The following LRBA variants were observed in gnomAD, a reference collection of about 807,000 sequenced individuals.
The protein encoded by LRBA is lipopolysaccharide-responsive and beige-like anchor protein.
In LRBA, 176 loss-of-function variants were observed where a neutral mutation model predicts 330.0. The ratio of observed to expected loss-of-function variants is 0.53; its 90% CI spans 0.47 to 0.60. LRBA has a LOEUF of 0.60. Among genes scored for constraint, LRBA ranks in the 20% least tolerant of loss-of-function variants. The probability of loss-of-function intolerance (pLI) is 0.00; values close to 1 mark genes in which losing one functional copy is unlikely to be tolerated. For synonymous variants in LRBA, 1,230 were observed against 1,193.0 expected (o/e 1.03, Z -0.64); for missense variants, 3,259 against 3,444.8 (o/e 0.95, Z 1.35).
chr4:150,887,800 A>G (rs1729106808), intron 17 of LRBA, among the ~76,000 whole-genome samples: 1 of 151,154 alleles, frequency 6.6e-6, no homozygotes, highest in South Asian at 2.1e-4. Context: ...AGAAAAAAAA[A>G]AGAACCTACA....
intron 34 of LRBA, among the ~76,000 whole-genome samples, chr4:150,775,748 G>A (rs574320171): frequency 7.1e-6 from 1 of 141,686 alleles, no homozygotes; most frequent in Non-Finnish European, 1.5e-5. Context: ...TGTGGTGAGT[G>A]CACAGAAATA....
chr4:150,791,591 TGTA>T (rs1232825105), intron 34 of LRBA, among the ~76,000 whole-genome samples: 1 of 152,146 alleles, frequency 6.6e-6, no homozygotes, highest in Non-Finnish European at 1.5e-5. Context: ...CACAAAGCTC[TGTA>T]GAAGAGACAG....
In LRBA at chr4:150,642,671, T is replaced by C. The variant is rs1019613152; in HGVS notation, c.5921+40880A>G. Among the ~76,000 whole-genome samples, 4 of 151,888 alleles carry C rather than the reference T, an allele frequency of 2.6e-5. No individual in the cohort carries two copies. The East Asian group carries it at 5.8e-4, about 22-fold the overall frequency. On this transcript the variant is annotated intron_variant, in intron 37 of 56. Transcript: ENST00000651943. ...TACATTTTACTCTGCATATAATATA[T>C]TGAAAAATATTATTTAATCTAAATT...
rs1314729100 is a variant in LRBA at position 150,282,517 on chromosome 4, C to T, written c.8249G>A (p.Gly2750Asp). The T allele has an allele frequency of 1.2e-6, 2 of 1,614,158 alleles. No individual in the cohort carries two copies. The highest frequency in any genetic ancestry group is 1.7e-6 in the Non-Finnish European group (2 of 1,180,026). Residue 2750 changes from glycine to aspartate, a missense_variant, in exon 55 of 57, where the codon GGC becomes GAC. Coordinates refer to ENST00000651943, the MANE Select transcript of LRBA (RefSeq NM_001364905.1). Reference sequence around the variant, plus strand: ...ATTCACACTGAATGTACAGAAGAGGCCGTTTTCATAGAATATGACACAATG... The same window carrying T: ...ATTCACACTGAATGTACAGAAGAGGTCGTTTTCATAGAATATGACACAATG... ...EGHCVIFYEN[G>D]LFCTFSVNGK...
intron 47 of LRBA, among the ~76,000 whole-genome samples, chr4:150,363,215 A>T (rs767063514): frequency 6.6e-6 from 1 of 152,156 alleles, no homozygotes; most frequent in Admixed American, 6.5e-5. Flanking sequence ...AGCGCTTCTT[A>T]TATCTGTAAT....
chr4:150,322,395 C>T (rs1732635282), intron 49 of LRBA, among the ~76,000 whole-genome samples: 1 of 152,136 alleles, frequency 6.6e-6, no homozygotes, highest in African/African-American at 2.4e-5. Context: ...ACATTTTCAG[C>T]AATTCTCTCC....
intron 22 of LRBA, among the ~76,000 whole-genome samples, chr4:150,865,230 A>G (rs1219995823): frequency 6.6e-6 from 1 of 152,226 alleles, no homozygotes; most frequent in Non-Finnish European, 1.5e-5. Flanking sequence ...GCAGCAGCCT[A>G]CTGCAATAGA....
At chr4:150,981,229 T>C (rs993573960) in intron 2 of LRBA, among the ~76,000 whole-genome samples, 8 of 151,164 alleles carry the variant, frequency 5.3e-5, no homozygotes, top group Non-Finnish European at 7.4e-5. Context: ...CTGGCCAACA[T>C]AGTGAAACCT....
chr4:150,860,120 C>T (rs1310292255), intron 22 of LRBA, among the ~76,000 whole-genome samples: 1 of 152,068 alleles, frequency 6.6e-6, no homozygotes, highest in South Asian at 2.1e-4. Flanking sequence ...TTCCAAAAAA[C>T]TTAACAGCAT....
chr4:150,868,233 GCT>G lies in LRBA; in HGVS notation c.2520_2521del (p.Arg840SerfsTer5). 6.2e-7 allele frequency: 1 copy of G among 1,612,580 alleles called. No homozygotes were observed. The highest frequency in any genetic ancestry group is 8.5e-7 in the Non-Finnish European group (1 of 1,178,854). On this transcript the variant is annotated frameshift_variant, in exon 21 of 57. Transcript: ENST00000651943. LOFTEE classifies it high-confidence loss of function. ...AAGTTTAATCATGTCAGAAAGAAAG[GCT>G]CTGCGAACCTCCATGCTCTCTGGGC...
intron 53 of LRBA, among the ~76,000 whole-genome samples, chr4:150,293,880 T>C (rs1366860223): frequency 6.6e-6 from 1 of 152,258 alleles, no homozygotes; most frequent in Non-Finnish European, 1.5e-5. Context: ...TTCCACTTAA[T>C]GCATAGTAAA....
intron 30 of LRBA, among the ~76,000 whole-genome samples, chr4:150,822,058 T>C (rs752733476): frequency 6.6e-6 from 1 of 151,712 alleles, no homozygotes; most frequent in Non-Finnish European, 1.5e-5. Flanking sequence ...CAAGGCAGCA[T>C]GAAAGTTTTT....
At chr4:150,636,654 C>A (rs980940947) in intron 37 of LRBA, among the ~76,000 whole-genome samples, 1 of 152,100 alleles carries the variant, frequency 6.6e-6, no homozygotes, top group Admixed American at 6.5e-5. Flanking sequence ...CAGCTGGGCA[C>A]GATGGCTCAT....
At chr4:150,315,188 C>T in intron 51 of LRBA, 1 of 286,970 alleles carries the variant, frequency 3.5e-6, no homozygotes. Flanking sequence ...AGCAAAGGAG[C>T]TCCATCACAT....
At chr4:150,603,490 T>C (rs1420971140) in intron 37 of LRBA, among the ~76,000 whole-genome samples, 1 of 151,912 alleles carries the variant, frequency 6.6e-6, no homozygotes, top group Non-Finnish European at 1.5e-5. Context: ...TTTTTTGTGG[T>C]TGTTGTTGTT....
chr4:150,936,235 A>T (rs1026644040), intron 2 of LRBA, among the ~76,000 whole-genome samples: 2 of 152,130 alleles, frequency 1.3e-5, no homozygotes, highest in Admixed American at 6.5e-5. Flanking sequence ...TTAAGTCAAG[A>T]CAATCTTTTA....
chr4:150,740,722 T>A (rs1271247589), intron 35 of LRBA, among the ~76,000 whole-genome samples: 1 of 151,566 alleles, frequency 6.6e-6, no homozygotes, highest in Non-Finnish European at 1.5e-5. Context: ...ATTAAAGATA[T>A]CAATTCTCCA....
intron 40 of LRBA, among the ~76,000 whole-genome samples, chr4:150,568,267 G>T (rs1304786758): frequency 1.3e-5 from 2 of 152,148 alleles, no homozygotes; most frequent in Non-Finnish European, 2.9e-5. Context: ...AAAGACTTCA[G>T]ATTGGGGGCC....
At chr4:150,516,243 T>TTTTTTTTTTTTTC (rs1762349687) in intron 40 of LRBA, among the ~76,000 whole-genome samples, 1 of 130,524 alleles carries the variant, frequency 7.7e-6, no homozygotes, top group African/African-American at 2.7e-5. Context: ...TTTTTTTTTT[T>TTTTTTTTTTTTTC]GCTAAGTACC....
Sources: gnomAD v4.1 joint callset for allele counts (sites outside exome capture counted in the v4.1 genomes callset) on GRCh38, gnomAD v4.1.1 for gene constraint, MANE v1.5 for transcripts, NCBI Gene and HGNC (gene_info 2026-07-23, HGNC 2026-07-21) for gene names.